ALG5: variants seen among roughly 807,000 people sequenced by gnomAD.
ALG5 encodes the protein ALG5 dolichyl-phosphate beta-glucosyltransferase, also known as dolichyl-phosphate beta-glucosyltransferase.
Under a neutral mutation model 51.8 loss-of-function variants are expected in ALG5, and 26 were observed. The ratio of observed to expected loss-of-function variants is 0.50; its 90% CI spans 0.37 to 0.70. The LOEUF is 0.70. Ranked by LOEUF, ALG5 falls within the 30% of genes least tolerant of loss-of-function variation. The pLI, the probability that ALG5 is intolerant of heterozygous loss-of-function variation, is 0.00. For synonymous variants in ALG5, 141 were observed against 136.1 expected, an observed-to-expected ratio of 1.04 and a Z score of -0.25; for missense variants, 311 against 399.3, an observed-to-expected ratio of 0.78 and a Z score of 1.88.
intron 6 of ALG5, among the ~76,000 whole-genome samples, chr13:36,975,124 T>C (rs985530913): frequency 3.9e-5 from 6 of 152,116 alleles, no homozygotes; most frequent in Non-Finnish European, 5.9e-5. Flanking sequence ...GGCAGGAGAA[T>C]TGCTTGAACT....
At chr13:36,985,229 T>A (rs2058996951) in intron 6 of ALG5, among the ~76,000 whole-genome samples, 1 of 152,118 alleles carries the variant, frequency 6.6e-6, no homozygotes, top group Non-Finnish European at 1.5e-5. Flanking sequence ...TAATCCTTTT[T>A]GAGTGATTGC....
chr13:36,977,319 T>G (rs942456026), intron 6 of ALG5, among the ~76,000 whole-genome samples: 4 of 152,098 alleles, frequency 2.6e-5, no homozygotes, highest in Non-Finnish European at 5.9e-5. Context: ...TTTCCCATGG[T>G]TTTTTAAAAT....
intron 8 of ALG5, among the ~76,000 whole-genome samples, chr13:36,962,437 G>T (rs756240353): frequency 1.1e-4 from 17 of 152,134 alleles, no homozygotes; most frequent in South Asian, 2.1e-4. Flanking sequence ...GTACCCTAAA[G>T]AAAAATGTGA....
chr13:36,999,187 G>A (rs767222637), intron 1 of ALG5, 48 bp downstream of exon 1: 104 of 1,504,346 alleles, frequency 6.9e-5, no homozygotes, highest in Middle Eastern at 3.6e-4. Flanking sequence ...GCAGTCTCCA[G>A]GAGAGCGGTA....
Position 36,952,558 on chromosome 13 carries a change from T to G in ALG5, c.815A>C (p.Lys272Thr), listed in dbSNP as rs1213967378. 1.9e-6 allele frequency: 3 copies of G among 1,601,308 alleles called. No individual in the cohort carries two copies. Among genetic ancestry groups the G allele is most frequent in the Non-Finnish European group, 2.6e-6 (3 of 1,175,334 alleles). ...VELLYIAQFFKIPIAEIAVNW... is the reference protein window; with the variant it reads ...VELLYIAQFFTIPIAEIAVNW... ...GACAGCAATTTCTGCTATTGGAATTTTAAAGAACTGTGCTATGTACAGTAG... is the reference window on the plus strand; with the variant it reads ...GACAGCAATTTCTGCTATTGGAATTGTAAAGAACTGTGCTATGTACAGTAG... Residue 272 changes from lysine (K) to threonine (T), a missense_variant, in exon 9 of 10, where the codon AAA becomes ACA. Coordinates refer to ENST00000239891, the MANE Select transcript of ALG5 (RefSeq NM_013338.5).
rs181022466 is a variant in ALG5, at chr13:36,983,296, C to T, written c.561+2331G>A. Among the ~76,000 whole-genome samples, 10 of 152,286 alleles carry T rather than the reference C, an allele frequency of 6.6e-5. No homozygotes were observed. The East Asian group carries it at 1.9e-3, about 29-fold the overall frequency. ...CTCTGGAGAAAATCAGGAAATCACA[C>T]CAAGTAACTTTATGAATGAGATTTT... is the stretch of plus-strand genomic sequence containing the variant. On this transcript the variant is annotated intron_variant, in intron 6 of 9. Transcript: ENST00000239891.
chr13:36,990,393 C>T (rs1018126302), intron 4 of ALG5, among the ~76,000 whole-genome samples: 1 of 152,212 alleles, frequency 6.6e-6, no homozygotes. Context: ...TTGCTCTCAT[C>T]TGGCCTTTGC....
intron 4 of ALG5, among the ~76,000 whole-genome samples, chr13:36,991,768 C>T (rs1208489006): frequency 6.6e-6 from 1 of 151,390 alleles, no homozygotes; most frequent in South Asian, 2.1e-4. Flanking sequence ...AGAGATGATT[C>T]TTTTTTTTTG....
intron 6 of ALG5, among the ~76,000 whole-genome samples, chr13:36,984,287 G>C (rs572167797): frequency 6.6e-6 from 1 of 151,922 alleles, no homozygotes; most frequent in African/African-American, 2.4e-5. Flanking sequence ...TTTTTACAGA[G>C]ATGGGGTCTT....
At chr13:36,951,319 C>G (rs2058817098) in intron 9 of ALG5, among the ~76,000 whole-genome samples, 1 of 152,200 alleles carries the variant, frequency 6.6e-6, no homozygotes, top group Non-Finnish European at 1.5e-5. Flanking sequence ...CCCTTTGATT[C>G]TAGGCAGCTA....
chr13:36,991,211 T>A (rs1047445001), intron 4 of ALG5, among the ~76,000 whole-genome samples: 17 of 152,146 alleles, frequency 1.1e-4, no homozygotes, highest in African/African-American at 2.9e-4. Flanking sequence ...GTCTTCCAGC[T>A]TCCTCACCTG....
intron 6 of ALG5, among the ~76,000 whole-genome samples, chr13:36,976,232 C>T (rs998699067): frequency 2.2e-5 from 3 of 138,254 alleles, no homozygotes; most frequent in South Asian, 2.4e-4. Flanking sequence ...AGTTCAAGAC[C>T]CGTCTGGCCA....
chr13:36,970,883 C>T (rs1312858095), intron 7 of ALG5, among the ~76,000 whole-genome samples: 3 of 152,102 alleles, frequency 2.0e-5, no homozygotes, highest in African/African-American at 4.8e-5. Flanking sequence ...TGCACTGCAT[C>T]CTGGGTGACA....
At chr13:36,955,059 G>A (rs1331259236) in intron 8 of ALG5, among the ~76,000 whole-genome samples, 2 of 152,204 alleles carry the variant, frequency 1.3e-5, no homozygotes, top group Non-Finnish European at 2.9e-5. Context: ...AGACACAGGT[G>A]GGGCTGCAAG....
chr13:36,951,721 T>C (rs572946696), intron 9 of ALG5, among the ~76,000 whole-genome samples: 20 of 152,366 alleles, frequency 1.3e-4, no homozygotes, highest in Non-Finnish European at 2.6e-4. Context: ...TACTTTTGGA[T>C]ATATGTACAG....
chr13:36,969,419 T>C (rs1566060609), intron 7 of ALG5, among the ~76,000 whole-genome samples: 1 of 148,012 alleles, frequency 6.8e-6, no homozygotes, highest in Non-Finnish European at 1.5e-5. Flanking sequence ...TTAATATATT[T>C]TAAAAAAAAA....
intron 6 of ALG5, among the ~76,000 whole-genome samples, chr13:36,974,412 AAAGAG>A (rs1389289084): frequency 1.3e-5 from 2 of 152,204 alleles, no homozygotes; most frequent in Non-Finnish European, 2.9e-5. Flanking sequence ...AATGATAATT[AAAGAG>A]AAAACTCATG....
chr13:36,961,198 G>A (rs956461760), intron 8 of ALG5, among the ~76,000 whole-genome samples: 4 of 151,930 alleles, frequency 2.6e-5, no homozygotes, highest in Non-Finnish European at 5.9e-5. Context: ...GGAGGATCAC[G>A]TGAGCTCAGG....
In ALG5 at chr13:36,952,520, T is replaced by C; in HGVS notation, c.853A>G (p.Ile285Val). 6.3e-7 allele frequency: 1 copy of C among 1,596,316 alleles called. No homozygotes were observed. Among genetic ancestry groups the C allele is most frequent in the African/African-American group, 1.4e-5 (1 of 74,058 alleles). ...IAEIAVNWTEIEGSKLVPFWS... is the reference protein window; with the variant it reads ...IAEIAVNWTEVEGSKLVPFWS... ...CAATAAACAATATACTCACCTTCAA[T>C]TTCTGTCCAGTTGACAGCAATTTCT... Residue 285 changes from isoleucine to valine, a missense_variant, in exon 9 of 10, where the codon ATT becomes GTT. Coordinates refer to ENST00000239891, the MANE Select transcript of ALG5 (RefSeq NM_013338.5).
Sources: gnomAD v4.1 joint callset for allele counts (sites outside exome capture counted in the v4.1 genomes callset) on GRCh38, gnomAD v4.1.1 for gene constraint, MANE v1.5 for transcripts, NCBI Gene and HGNC (gene_info 2026-07-23, HGNC 2026-07-21) for gene names.